ATP6V0C: variants seen among roughly 807,000 people sequenced by gnomAD.
The protein encoded by ATP6V0C is ATPase H+ transporting V0 subunit c.
ATP6V0C carries 2 observed loss-of-function variants against 10.6 expected under a neutral mutation model. The ratio of observed to expected loss-of-function variants is 0.19; its 90% confidence interval spans 0.08 to 0.59. The LOEUF (loss-of-function observed/expected upper bound fraction) is 0.59, where lower values mean the gene tolerates loss of function less well. Among genes scored for constraint, ATP6V0C ranks in the 20% least tolerant of loss-of-function variants. ATP6V0C has a pLI of 0.90. For missense variants in ATP6V0C, 89 were observed against 225.9 expected (o/e 0.39, Z 3.88); for synonymous variants, 128 against 101.3 (o/e 1.26, Z -1.59).
chr16:2,517,747 G>GTGTGTC (rs967261072), intron 1 of ATP6V0C: 3 of 151,032 alleles, frequency 2.0e-5, no homozygotes, highest in Non-Finnish European at 4.4e-5. Flanking sequence ...GTGTGTGTGT[G>GTGTGTC]TGTGTGTCTG....
chr16:2,519,450 G>GC (rs1567124380), intron 2 of ATP6V0C, 49 bp downstream of exon 2: 2 of 1,574,812 alleles, frequency 1.3e-6, no homozygotes, highest in Non-Finnish European at 1.7e-6. Flanking sequence ...ACTGCAGGGA[G>GC]GGGGGCGGTT....
intron 1 of ATP6V0C, chr16:2,516,733 T>G (rs1271127997): frequency 6.6e-6 from 1 of 152,510 alleles, no homozygotes; most frequent in Non-Finnish European, 1.5e-5. Flanking sequence ...TTCCTGTGAC[T>G]TCCTCCCTGC....
chr16:2,519,866 C>G lies in ATP6V0C; in HGVS notation c.*121C>G. On this transcript the variant is annotated 3_prime_UTR_variant, in exon 3 of 3. Coordinates refer to ENST00000330398, the MANE Select transcript of ATP6V0C (RefSeq NM_001694.4). ...CCCCCAGTAGTTGGTCTTGTACATG[C>G]GCAGTGTCCTAGTGCCCATCGTCTG... The G allele has an allele frequency of 3.1e-6, 4 of 1,303,396 alleles. No homozygotes were observed. The highest frequency in any genetic ancestry group is 2.4e-5 in the East Asian group (1 of 41,824). 80.7% of individuals were successfully genotyped at this position (1,303,396 alleles called of 1,614,324 possible). A position where few individuals can be genotyped will look rare whatever the true frequency, so the allele number is the denominator to read the frequency against.
At position 2,513,979 on chromosome 16, in the gene ATP6V0C, A is replaced by C. The variant is rs1488230595; in HGVS notation, c.-125A>C. The C allele has an allele frequency of 6.1e-6, 5 of 821,280 alleles. No individual in the cohort carries two copies. Among genetic ancestry groups the C allele is most frequent in the African/African-American group, 1.8e-5 (1 of 54,104 alleles). 50.9% of individuals were successfully genotyped at this position (821,280 alleles called of 1,614,324 possible). ...TCTGCGGTGCTGGTATTTAGAGCGC[A>C]GCGGCTGACGGGCCGGATCGCCTTC... On this transcript the variant is annotated 5_prime_UTR_variant, in exon 1 of 3. Transcript: ENST00000330398.
At chr16:2,516,055 A>G (rs1252375439) in intron 1 of ATP6V0C, among the ~76,000 whole-genome samples, 7 of 151,022 alleles carry the variant, frequency 4.6e-5, no homozygotes, top group East Asian at 1.9e-4. Flanking sequence ...GTGGCTCTCC[A>G]GGAGCTGACC....
chr16:2,514,917 G>T (rs916434977), intron 1 of ATP6V0C, among the ~76,000 whole-genome samples: 35 of 152,218 alleles, frequency 2.3e-4, no homozygotes, highest in African/African-American at 8.4e-4. Flanking sequence ...TGTGTAGCTT[G>T]CAGAGGGTCT....
chr16:2,514,010 C>A lies in ATP6V0C; in HGVS notation c.-94C>A. 8.3e-7 allele frequency: 1 copy of A among 1,208,618 alleles called. No individual in the cohort carries two copies. Among genetic ancestry groups the A allele is most frequent in the South Asian group, 1.4e-5 (1 of 69,784 alleles). The allele number at this position is 1,208,618 out of a possible 1,614,324, so 74.9% of individuals were successfully genotyped here. A position where few individuals can be genotyped will look rare whatever the true frequency, so the allele number is the denominator to read the frequency against. On this transcript the variant is annotated 5_prime_UTR_variant, in exon 1 of 3. Coordinates refer to ENST00000330398, the MANE Select transcript of ATP6V0C (RefSeq NM_001694.4). ...TGACGGGCCGGATCGCCTTCGCCGCCGCCCGCCCGCAAACCTTCGTGCCCG... is the reference window on the plus strand; with the variant it reads ...TGACGGGCCGGATCGCCTTCGCCGCAGCCCGCCCGCAAACCTTCGTGCCCG...
At chr16:2,518,297 A>T (rs985324114) in intron 1 of ATP6V0C, among the ~76,000 whole-genome samples, 1 of 152,216 alleles carries the variant, frequency 6.6e-6, no homozygotes, top group Non-Finnish European at 1.5e-5. Flanking sequence ...GGAACTGAAA[A>T]GAAAGGCAAC....
At chr16:2,517,331 T>G (rs1167474669) in intron 1 of ATP6V0C, 1 of 152,332 alleles carries the variant, frequency 6.6e-6, no homozygotes, top group Non-Finnish European at 1.5e-5. Context: ...GGAGGCCGTG[T>G]GGCTCCCTGG....
intron 1 of ATP6V0C, chr16:2,517,997 A>C (rs950887633): frequency 1.3e-5 from 2 of 152,304 alleles, no homozygotes. Context: ...AACTTCTGAC[A>C]CCAGGTGATC....
Position 2,519,950 on chromosome 16 carries a change from C to A in ATP6V0C, c.*205C>A, listed in dbSNP as rs766639753. On this transcript the variant is annotated 3_prime_UTR_variant, in exon 3 of 3. Transcript: ENST00000330398. ...GTGGACATCTGGGCCCACTCATCGC[C>A]CCTCCAGGCCCCCGGCGCCCCACCC... 4.0e-6 allele frequency: 3 copies of A among 752,660 alleles called. No individual in the cohort carries two copies. The African/African-American group carries it at 5.2e-5, about 13-fold the overall frequency. 46.6% of individuals were successfully genotyped at this position (752,660 alleles called of 1,614,324 possible). A position where few individuals can be genotyped will look rare whatever the true frequency, so the allele number is the denominator to read the frequency against.
At chr16:2,517,200 A>G (rs2065880989) in intron 1 of ATP6V0C, 1 of 152,388 alleles carries the variant, frequency 6.6e-6, no homozygotes, top group Non-Finnish European at 1.5e-5. Flanking sequence ...TATGCTTGCC[A>G]GGGAAAAAAT....
chr16:2,515,189 C>T (rs777890230), intron 1 of ATP6V0C, among the ~76,000 whole-genome samples: 98 of 152,092 alleles, frequency 6.4e-4, no homozygotes, highest in Non-Finnish European at 1.0e-3. Flanking sequence ...CAATTGGTCT[C>T]CCTGGGAGAA....
rs558682475 is a variant in ATP6V0C, at chr16:2,516,197, C to T, written c.79+2015C>T. The stretch of plus-strand genomic sequence containing the variant: ...GTGTGGTCATGGCTCACTACAGCCT[C>T]AACCTCCCAGGCTCAAGCAATCCTC... On this transcript the variant is annotated intron_variant, in intron 1 of 2. Coordinates refer to ENST00000330398, the MANE Select transcript of ATP6V0C (RefSeq NM_001694.4). Among the ~76,000 whole-genome samples, 3 of 151,084 alleles carry T rather than the reference C, an allele frequency of 2.0e-5. No individual in the cohort carries two copies. The South Asian group carries it at 6.3e-4, about 32-fold the overall frequency.
chr16:2,514,386 C>T (rs368396592), intron 1 of ATP6V0C: 2 of 355,186 alleles, frequency 5.6e-6, no homozygotes, highest in East Asian at 5.1e-5. Context: ...GGCGTGCGGG[C>T]CTGGCCGGGG....
chr16:2,514,258 T>C (rs1955560652), intron 1 of ATP6V0C, 76 bp downstream of exon 1: 1 of 1,424,614 alleles, frequency 7.0e-7, no homozygotes. Context: ...CGGGGTCCGG[T>C]GTGTGACGTC....
Position 2,519,763 on chromosome 16 carries a change from C to A in ATP6V0C, c.*18C>A. 1.3e-6 allele frequency: 2 copies of A among 1,577,846 alleles called. No individual in the cohort carries two copies. Among genetic ancestry groups the A allele is most frequent in the Non-Finnish European group, 1.7e-6 (2 of 1,155,790 alleles). On this transcript the variant is annotated 3_prime_UTR_variant, in exon 3 of 3. Coordinates refer to ENST00000330398, the MANE Select transcript of ATP6V0C (RefSeq NM_001694.4). ...CAAAGTAGACCCTCTCCGAGCCCAC[C>A]AGCCACAGAATATTATGTAAAGACC...
At position 2,519,895 on chromosome 16, in the gene ATP6V0C, C is replaced by T. The variant is rs1315383836; in HGVS notation, c.*150C>T. 14 of 1,164,148 alleles carry T rather than the reference C, an allele frequency of 1.2e-5. No individual in the cohort carries two copies. Among genetic ancestry groups the T allele is most frequent in the Non-Finnish European group, 1.6e-5 (13 of 804,798 alleles). The allele number at this position is 1,164,148 out of a possible 1,614,324, so 72.1% of individuals were successfully genotyped here. A position where few individuals can be genotyped will look rare whatever the true frequency, so the allele number is the denominator to read the frequency against. Reference sequence around the variant, plus strand: ...GTGTCCTAGTGCCCATCGTCTGTTTCCCCGGCCTTGCCCCCGCCCGCCCCG... The same window carrying T: ...GTGTCCTAGTGCCCATCGTCTGTTTTCCCGGCCTTGCCCCCGCCCGCCCCG... On this transcript the variant is annotated 3_prime_UTR_variant, in exon 3 of 3. Coordinates refer to ENST00000330398, the MANE Select transcript of ATP6V0C (RefSeq NM_001694.4).
In ATP6V0C at chr16:2,514,131, T is replaced by C; in HGVS notation, c.28T>C (p.Tyr10His). 1 of 1,588,142 alleles carries C rather than the reference T, an allele frequency of 6.3e-7. No individual in the cohort carries two copies. Among genetic ancestry groups the C allele is most frequent in the Non-Finnish European group, 8.6e-7 (1 of 1,168,336 alleles). The part of the protein sequence containing the change: MSESKSGPE[Y>H]ASFFAVMGAS... ...GTCCGAGTCCAAGAGCGGCCCCGAG[T>C]ATGCTTCGTTTTTCGCCGTCATGGG... is the stretch of plus-strand genomic sequence containing the variant. The change falls in exon 1 of 3, where the codon TAT (tyrosine) becomes CAT (histidine). Residue 10 changes from tyrosine (Y) to histidine (H), a missense_variant. By Grantham distance (83) the Tyr-to-His change is moderately conservative. This residue lies in a region of ATP6V0C where 26 missense variants were observed against 33.7 expected (regional missense o/e 0.77). Coordinates refer to ENST00000330398, the MANE Select transcript of ATP6V0C (RefSeq NM_001694.4).
Sources: gnomAD v4.1 joint callset for allele counts (sites outside exome capture counted in the v4.1 genomes callset) on GRCh38, gnomAD v4.1.1 for gene constraint, gnomAD v4.1.1 regional missense constraint, MANE v1.5 for transcripts, NCBI Gene and HGNC (gene_info 2026-07-23, HGNC 2026-07-21) for gene names.